The following SPATA13 variants were observed in gnomAD, a reference collection of about 807,000 sequenced individuals.
The protein encoded by SPATA13 is spermatogenesis associated 13, also known as spermatogenesis-associated protein 13.
A neutral mutation model predicts 104.0 loss-of-function variants in SPATA13; 50 were observed. That is an observed-to-expected ratio of 0.48 (90% CI 0.38 to 0.61). The LOEUF (loss-of-function observed/expected upper bound fraction) is 0.61, where lower values mean the gene tolerates loss of function less well. Among genes scored for constraint, SPATA13 ranks in the 20% least tolerant of loss-of-function variants. The pLI is 0.00. For synonymous variants in SPATA13, 606 were observed against 667.5 expected (o/e 0.91, Z 1.42); for missense variants, 1,524 against 1,690.6 (o/e 0.90, Z 1.73).
At chr13:24,083,691 T>C (rs1415482746) in intron 3 of SPATA13, among the ~76,000 whole-genome samples, 1 of 152,144 alleles carries the variant, frequency 6.6e-6, no homozygotes, top group African/African-American at 2.4e-5. Context: ...CCTGAGAGGA[T>C]TGCTTGGCAA....
At chr13:24,235,167 T>C (rs192170231) in intron 2 of SPATA13, among the ~76,000 whole-genome samples, 5 of 152,340 alleles carry the variant, frequency 3.3e-5, no homozygotes, top group African/African-American at 1.2e-4. Flanking sequence ...TTCTAAGTTA[T>C]AGCCGGAGCA....
intron 3 of SPATA13, among the ~76,000 whole-genome samples, chr13:24,098,925 C>T (rs1220018567): frequency 2.5e-5 from 2 of 79,520 alleles, no homozygotes; most frequent in Non-Finnish European, 5.4e-5. Context: ...GACTCCATCT[C>T]AAAAAAAAAA....
chr13:24,185,569 A>G (rs1234089255), intron 1 of SPATA13, among the ~76,000 whole-genome samples: 1 of 152,084 alleles, frequency 6.6e-6, no homozygotes. Flanking sequence ...CATAATGACT[A>G]TTGATAAGTC....
chr13:24,044,882 G>A (rs1878071588), intron 3 of SPATA13, among the ~76,000 whole-genome samples: 1 of 148,998 alleles, frequency 6.7e-6, no homozygotes, highest in Admixed American at 6.7e-5. Flanking sequence ...GTGGTTTCCA[G>A]AGGAGGGGGT....
intron 3 of SPATA13, among the ~76,000 whole-genome samples, chr13:24,047,910 G>C (rs945610191): frequency 2.0e-5 from 3 of 152,210 alleles, no homozygotes; most frequent in African/African-American, 7.2e-5. Flanking sequence ...CTGAGAAACA[G>C]GGAAGCCAGT....
At chr13:24,010,709 C>A (rs1194130899) in intron 2 of SPATA13, among the ~76,000 whole-genome samples, 1 of 152,016 alleles carries the variant, frequency 6.6e-6, no homozygotes, top group Non-Finnish European at 1.5e-5. Flanking sequence ...AATCTTCCTC[C>A]CCACTCCTCC....
chr13:24,084,771 A>T (rs9580858), intron 3 of SPATA13, among the ~76,000 whole-genome samples: 9,799 of 152,112 alleles, frequency 0.064, 611 homozygotes, highest in African/African-American at 0.16. Context: ...TGTAATCCCA[A>T]CACTGTGAGA....
At chr13:24,003,858 A>G (rs1876092560) in intron 2 of SPATA13, among the ~76,000 whole-genome samples, 2 of 152,204 alleles carry the variant, frequency 1.3e-5, no homozygotes, top group Non-Finnish European at 2.9e-5. Flanking sequence ...ACGTGGGAAA[A>G]AACACAATAT....
intron 2 of SPATA13, among the ~76,000 whole-genome samples, chr13:24,233,542 A>G (rs1872394577): frequency 6.6e-6 from 1 of 152,200 alleles, no homozygotes; most frequent in Non-Finnish European, 1.5e-5. Context: ...TTCCAGAAAT[A>G]CTAAATCATA....
At chr13:24,169,861 C>G (rs1040064441) in intron 1 of SPATA13, among the ~76,000 whole-genome samples, 1 of 152,200 alleles carries the variant, frequency 6.6e-6, no homozygotes, top group African/African-American at 2.4e-5. Flanking sequence ...AGACTCCACT[C>G]GGCATTAGGA....
chr13:24,242,099 T>TA, intron 2 of SPATA13, among the ~76,000 whole-genome samples: 1 of 151,460 alleles, frequency 6.6e-6, no homozygotes, highest in East Asian at 2.0e-4. Flanking sequence ...CTAATTGTTG[T>TA]AAAAATTAAG....
In SPATA13 at chr13:24,286,965, T is replaced by A; in HGVS notation, c.2667+15T>A. 1.9e-6 allele frequency: 3 copies of A among 1,610,024 alleles called. No homozygotes were observed. Among genetic ancestry groups the A allele is most frequent in the Non-Finnish European group, 2.5e-6 (3 of 1,177,544 alleles). ...ACATCTGTGAGGTGGGACGCCAGGC[T>A]GGGACCTCACTGAGGGTCACAGTAT... On this transcript the variant is annotated intron_variant, in intron 7 of 12. Transcript: ENST00000382108. This position sits in a 1 kb window ranked among gnomAD's most constrained non-coding sequence, Gnocchi z 4.9.
At chr13:23,997,439 T>C (rs921123505) in intron 2 of SPATA13, among the ~76,000 whole-genome samples, 8 of 152,214 alleles carry the variant, frequency 5.3e-5, no homozygotes, top group African/African-American at 7.2e-5. Flanking sequence ...AGAAATCATA[T>C]ACTATGAAAT....
intron 1 of SPATA13, among the ~76,000 whole-genome samples, chr13:24,189,998 A>AT (rs1464648628): frequency 5.2e-4 from 5 of 9,672 alleles, no homozygotes; most frequent in East Asian, 0.01. Flanking sequence ...TATATAACAT[A>AT]TAATAATATA....
At chr13:24,000,264 AGGTCTT>A (rs1488274429) in intron 2 of SPATA13, among the ~76,000 whole-genome samples, 1 of 152,230 alleles carries the variant, frequency 6.6e-6, no homozygotes, top group African/African-American at 2.4e-5. Flanking sequence ...GAGGAAGTGT[AGGTCTT>A]GGGGCAGCTG....
intron 1 of SPATA13, among the ~76,000 whole-genome samples, chr13:24,176,996 C>T (rs182568080): frequency 1.5e-4 from 23 of 152,228 alleles, no homozygotes; most frequent in South Asian, 4.1e-4. Flanking sequence ...AACTCCTGAC[C>T]TCAGGTAATC....
chr13:24,000,782 T>A (rs1230783769), intron 2 of SPATA13, among the ~76,000 whole-genome samples: 1 of 151,828 alleles, frequency 6.6e-6, no homozygotes, highest in African/African-American at 2.4e-5. Flanking sequence ...ACATTTGAAT[T>A]CTGGAGAGCT....
chr13:24,118,818 A>G (rs7336684), intron 3 of SPATA13, among the ~76,000 whole-genome samples: 74,041 of 152,056 alleles, frequency 0.49, 19,180 homozygotes, highest in South Asian at 0.57. Flanking sequence ...ACTAACTGTT[A>G]TTTGGCTAAC....
Position 24,024,538 on chromosome 13 carries a change from T to A in SPATA13, c.-112+6837T>A, listed in dbSNP as rs2137705335. ...AGAAACCCTCTCCCTCTGAGTCCCA[T>A]GCCACCAGGGCCCTGCTGGTGGCCA... On this transcript the variant is annotated intron_variant, in intron 3 of 14. Coordinates refer to the SPATA13 transcript ENST00000424834. Among the ~76,000 whole-genome samples the A allele has an allele frequency of 2.0e-5, 3 of 152,196 alleles. 1 individual carries two copies. The South Asian group carries it at 6.2e-4, about 32-fold the overall frequency.
Sources: gnomAD v4.1 joint callset for allele counts (sites outside exome capture counted in the v4.1 genomes callset) on GRCh38, gnomAD v4.1.1 for gene constraint, Gnocchi (gnomAD v3.1) non-coding constraint, MANE v1.5 for transcripts, NCBI Gene and HGNC (gene_info 2026-07-23, HGNC 2026-07-21) for gene names.